Variants in RABGEF1 observed in about 807,000 individuals in gnomAD.
RABGEF1 encodes rab5 GDP/GTP exchange factor.
A neutral mutation model predicts 57.3 loss-of-function variants in RABGEF1; 26 were observed. The ratio of observed to expected loss-of-function variants is 0.45; its 90% CI spans 0.33 to 0.63. The LOEUF is 0.63. RABGEF1 is among the 20% of genes least tolerant of loss of function. The pLI is 0.02. For missense variants in RABGEF1, 464 were observed against 607.6 expected (o/e 0.76, Z 2.48); for synonymous variants, 185 against 210.7 (o/e 0.88, Z 1.06).
At chr7:66,752,213 G>T (rs1801596359) in intron 1 of RABGEF1, among the ~76,000 whole-genome samples, 2 of 151,914 alleles carry the variant, frequency 1.3e-5, no homozygotes, top group South Asian at 4.1e-4. Flanking sequence ...AAAAGTCTTG[G>T]CTGGGCGAGG....
intron 1 of RABGEF1, chr7:66,756,098 A>AT: frequency 7.2e-7 from 1 of 1,391,990 alleles, no homozygotes; most frequent in Non-Finnish European, 9.6e-7. Flanking sequence ...AAAGATATAT[A>AT]AGAAGAATAT....
chr7:66,707,303 T>A (rs1473761107), intron 1 of RABGEF1, among the ~76,000 whole-genome samples: 1 of 152,202 alleles, frequency 6.6e-6, no homozygotes, highest in African/African-American at 2.4e-5. Context: ...GTGTATCATA[T>A]TGTTGTTGGG....
chr7:66,675,042 T>G, the RABGEF1 span, among the ~76,000 whole-genome samples: 8 of 152,186 alleles, frequency 5.3e-5, no homozygotes, highest in Non-Finnish European at 1.0e-4. Context: ...GTAATTATAG[T>G]TGCCTACTGA....
intron 1 of RABGEF1, among the ~76,000 whole-genome samples, chr7:66,751,171 C>T (rs557950208): frequency 6.6e-6 from 1 of 152,226 alleles, no homozygotes; most frequent in Non-Finnish European, 1.5e-5. Flanking sequence ...GCTGGAATTA[C>T]AGACGTGCGC....
At chr7:66,765,117 C>T (rs1805371379) in intron 1 of RABGEF1, among the ~76,000 whole-genome samples, 4 of 151,512 alleles carry the variant, frequency 2.6e-5, no homozygotes, top group Non-Finnish European at 4.4e-5. Context: ...CATGGGTGCA[C>T]AGGTCCTATG....
chr7:66,773,509 G>A (rs1807725742), intron 2 of RABGEF1, among the ~76,000 whole-genome samples: 1 of 152,174 alleles, frequency 6.6e-6, no homozygotes, highest in African/African-American at 2.4e-5. Context: ...TAAAAGCAGT[G>A]ATTGCTGGAC....
intron 1 of RABGEF1, among the ~76,000 whole-genome samples, chr7:66,699,071 T>C (rs1181753804): frequency 1.3e-5 from 2 of 152,136 alleles, no homozygotes; most frequent in Non-Finnish European, 2.9e-5. Context: ...CGGGGAGATA[T>C]CTGGCTGGCC....
intron 4 of RABGEF1, among the ~76,000 whole-genome samples, chr7:66,793,799 T>A (rs1813325632): frequency 6.6e-6 from 1 of 152,188 alleles, no homozygotes; most frequent in African/African-American, 2.4e-5. Context: ...TGACCCCAAG[T>A]GTCCTGCCAT....
intron 4 of RABGEF1, among the ~76,000 whole-genome samples, chr7:66,792,756 A>G (rs1435727782): frequency 6.6e-6 from 1 of 152,210 alleles, no homozygotes; most frequent in Non-Finnish European, 1.5e-5. Flanking sequence ...ATGGTAATAA[A>G]TGGCCACATT....
At chr7:66,745,737 C>T (rs1800058111) in intron 1 of RABGEF1, among the ~76,000 whole-genome samples, 1 of 150,574 alleles carries the variant, frequency 6.6e-6, no homozygotes, top group African/African-American at 2.4e-5. Flanking sequence ...CCACTGCACT[C>T]CAGCTTGGGC....
chr7:66,674,050 G>A, the RABGEF1 span, among the ~76,000 whole-genome samples: 51 of 152,172 alleles, frequency 3.4e-4, no homozygotes, highest in African/African-American at 1.2e-3. Flanking sequence ...GCAAGGATGG[G>A]GAACACCTAG....
chr7:66,706,661 G>A (rs1330153287), intron 1 of RABGEF1, among the ~76,000 whole-genome samples: 1 of 151,646 alleles, frequency 6.6e-6, no homozygotes, highest in Non-Finnish European at 1.5e-5. Context: ...TGATCCGCCC[G>A]CCTCGGCCTC....
chr7:66,693,714 G>A (rs1291557992), intron 1 of RABGEF1, among the ~76,000 whole-genome samples: 1 of 152,216 alleles, frequency 6.6e-6, no homozygotes, highest in African/African-American at 2.4e-5. Flanking sequence ...CACCATTTCA[G>A]GAGGGTCCCG....
At chr7:66,785,640 C>T (rs1007380930) in intron 4 of RABGEF1, among the ~76,000 whole-genome samples, 3 of 152,096 alleles carry the variant, frequency 2.0e-5, no homozygotes, top group African/African-American at 7.2e-5. Context: ...TTTGGGAGGC[C>T]GAGGCAGGCG....
the RABGEF1 span, among the ~76,000 whole-genome samples, chr7:66,654,843 C>G: frequency 2.0e-5 from 3 of 152,262 alleles, no homozygotes; most frequent in Non-Finnish European, 4.4e-5. Context: ...CTCCCTTAAT[C>G]CTCACAGTGC....
chr7:66,808,727 G>A (rs912416392), intron 8 of RABGEF1, among the ~76,000 whole-genome samples, 159 bp from the exon 9 acceptor site: 1 of 152,290 alleles, frequency 6.6e-6, no homozygotes, highest in African/African-American at 2.4e-5. Flanking sequence ...GGGGATAGGA[G>A]TAGGTAATTT....
intron 1 of RABGEF1, among the ~76,000 whole-genome samples, chr7:66,770,728 C>G (rs1806890961): frequency 6.6e-6 from 1 of 152,224 alleles, no homozygotes; most frequent in Non-Finnish European, 1.5e-5. Flanking sequence ...AAGTGATCCT[C>G]CCACCTTGGC....
intron 3 of RABGEF1, among the ~76,000 whole-genome samples, chr7:66,776,522 G>A (rs571383240): frequency 4.4e-4 from 67 of 152,088 alleles, no homozygotes; most frequent in Middle Eastern, 6.8e-3. Context: ...GTGAAACCCC[G>A]CCTCTACAAA....
chr7:66,703,616 T>C (rs906481971), intron 1 of RABGEF1, among the ~76,000 whole-genome samples: 23 of 152,226 alleles, frequency 1.5e-4, no homozygotes, highest in African/African-American at 5.5e-4. Flanking sequence ...AATAGATGTA[T>C]TGGCTTTTTT....
Sources: gnomAD v4.1 joint callset for allele counts (sites outside exome capture counted in the v4.1 genomes callset) on GRCh38, gnomAD v4.1.1 for gene constraint, MANE v1.5 for transcripts, NCBI Gene and HGNC (gene_info 2026-07-23, HGNC 2026-07-21) for gene names.